USP8: variants seen among roughly 807,000 people sequenced by gnomAD.
The protein encoded by USP8 is ubiquitin carboxyl-terminal hydrolase 8.
USP8 carries 27 observed loss-of-function variants against 130.0 expected under a neutral mutation model. The ratio of observed to expected loss-of-function variants is 0.21; its 90% CI spans 0.15 to 0.29. USP8 has a LOEUF of 0.29. Among genes scored for constraint, USP8 ranks in the 10% least tolerant of loss-of-function variants. USP8 has a pLI of 1.00. For synonymous variants in USP8, 392 were observed against 444.1 expected (o/e 0.88, Z 1.48); for missense variants, 1,029 against 1,312.2 (o/e 0.78, Z 3.33).
chr15:50,499,407 C>G lies in USP8; in HGVS notation c.*319C>G, dbSNP rs1303535093. The G allele has an allele frequency of 5.4e-6, 1 of 184,956 alleles. No individual in the cohort carries two copies. The highest frequency in any genetic ancestry group is 1.3e-4 in the East Asian group (1 of 7,610). The allele number at this position is 184,956 out of a possible 1,614,324, so 11.5% of individuals were successfully genotyped here. A position where few individuals can be genotyped will look rare whatever the true frequency, so the allele number is the denominator to read the frequency against. ...TGTTATCTTTTTTTTTTCCTTTTCA[C>G]TGTTATGGCCTTTTCACATTTCTAA... On this transcript the variant is annotated 3_prime_UTR_variant, in exon 20 of 20. Coordinates refer to ENST00000307179, the MANE Select transcript of USP8 (RefSeq NM_005154.5).
intron 8 of USP8, among the ~76,000 whole-genome samples, chr15:50,476,462 T>C (rs578075292): frequency 1.1e-4 from 16 of 152,232 alleles, no homozygotes; most frequent in Admixed American, 8.5e-4. Flanking sequence ...TTACCTAGCA[T>C]TGCAAATGAT....
Position 50,492,609 on chromosome 15 carries a change from C to T in USP8, c.2235-92C>T, listed in dbSNP as rs1475501052. ...AACTGTTTACAAGATGCCTGTGGTA[C>T]AGGTGCTACAGTTTGCTGCCATTTA... On this transcript the variant is annotated intron_variant, in intron 14 of 19. Transcript: ENST00000307179. 3 of 1,244,548 alleles carry T rather than the reference C, an allele frequency of 2.4e-6. No homozygotes were observed. The East Asian group carries it at 7.0e-5, about 29-fold the overall frequency. The allele number at this position is 1,244,548 out of a possible 1,614,324, so 77.1% of individuals were successfully genotyped here.
intron 12 of USP8, among the ~76,000 whole-genome samples, chr15:50,488,793 G>T (rs982082828): frequency 2.6e-5 from 4 of 151,012 alleles, no homozygotes; most frequent in African/African-American, 7.3e-5. Flanking sequence ...GGCTGGTCTC[G>T]AACTCCTGAC....
At position 50,424,503 on chromosome 15, in the gene USP8, C is replaced by T. The variant is rs1257851992; in HGVS notation, c.-77C>T. On this transcript the variant is annotated 5_prime_UTR_variant, in exon 1 of 20. Coordinates refer to ENST00000307179, the MANE Select transcript of USP8 (RefSeq NM_005154.5). ...AGAAGGCTGGCGTTAGTGAAGCGCG[C>T]CCGGCGTCACGGTGAGTGCGGGTCT... 2 of 398,592 alleles carry T rather than the reference C, an allele frequency of 5.0e-6. No homozygotes were observed. The highest frequency in any genetic ancestry group is 8.8e-6 in the Non-Finnish European group (2 of 226,116). The allele number at this position is 398,592 out of a possible 1,614,324, so 24.7% of individuals were successfully genotyped here.
chr15:50,449,574 T>G, intron 4 of USP8, 89 bp downstream of exon 4: 1 of 993,618 alleles, frequency 1.0e-6, no homozygotes, highest in Non-Finnish European at 1.4e-6. Flanking sequence ...TGACGATTCA[T>G]ATAATATTCC....
At chr15:50,459,466 C>G (rs189696456) in intron 5 of USP8, among the ~76,000 whole-genome samples, 1 of 151,984 alleles carries the variant, frequency 6.6e-6, no homozygotes, top group Non-Finnish European at 1.5e-5. Flanking sequence ...TGCCTGTAGT[C>G]CCAGCTACTC....
At chr15:50,477,571 G>T in intron 10 of USP8, 72 bp downstream of exon 10, 25 of 1,378,842 alleles carry the variant, frequency 1.8e-5, no homozygotes, top group Non-Finnish European at 2.5e-5. Context: ...TGGGCACAGT[G>T]CCTCACGCCT....
At chr15:50,459,943 C>G (rs1002096666) in intron 5 of USP8, among the ~76,000 whole-genome samples, 2 of 147,638 alleles carry the variant, frequency 1.4e-5, no homozygotes, top group African/African-American at 2.5e-5. Flanking sequence ...AGGTCTCATT[C>G]TTTTTCCTTT....
At position 50,426,827 on chromosome 15, in the gene USP8, C is replaced by G. The variant is rs142081653; in HGVS notation, c.-66+2313C>G. 18 of 152,334 alleles carry G rather than the reference C, an allele frequency of 1.2e-4. No individual in the cohort carries two copies. In the East Asian group the frequency reaches 3.5e-3, roughly 29 times the overall value. The allele number at this position is 152,334 out of a possible 1,614,324, so 9.4% of individuals were successfully genotyped here. A position where few individuals can be genotyped will look rare whatever the true frequency, so the allele number is the denominator to read the frequency against. ...CCCTCACCTTTGAAAGGAAAAATGT[C>G]AAAGAATTTGTGGCCGTGCTTTGCC... On this transcript the variant is annotated intron_variant, in intron 1 of 19. Coordinates refer to ENST00000307179, the MANE Select transcript of USP8 (RefSeq NM_005154.5).
chr15:50,492,271 G>A (rs2052204391), intron 14 of USP8, among the ~76,000 whole-genome samples: 1 of 151,976 alleles, frequency 6.6e-6, no homozygotes, highest in Admixed American at 6.6e-5. Context: ...TCTACTCCAC[G>A]GTATGGTTTT....
intron 15 of USP8, chr15:50,493,369 T>A (rs771964471): frequency 1.5e-5 from 8 of 519,688 alleles, no homozygotes; most frequent in South Asian, 1.1e-4. Context: ...CATGTTGACA[T>A]CAAGAACCCA....
intron 12 of USP8, among the ~76,000 whole-genome samples, chr15:50,486,272 C>A (rs2051957755): frequency 6.6e-6 from 1 of 151,968 alleles, no homozygotes. Flanking sequence ...CGCTTGAGCC[C>A]CAGGAGTTCA....
chr15:50,462,311 C>A lies in USP8; in HGVS notation c.530C>A (p.Thr177Asn). 6.3e-7 allele frequency: 1 copy of A among 1,598,556 alleles called. No homozygotes were observed. The highest frequency in any genetic ancestry group is 8.5e-7 in the Non-Finnish European group (1 of 1,175,774). ...GGTGAAAAGAATGAAAAATGTGAGA[C>A]CAAAGAGAAAGGTAAGTGTGTACAG... is the stretch of plus-strand genomic sequence containing the variant. ...SNGEKNEKCE[T>N]KEKGAITAKE... Residue 177 changes from threonine to asparagine, a missense_variant, in exon 6 of 20, where the codon ACC becomes AAC. Physicochemically the swap from Thr to Asn is moderately conservative, Grantham distance 65. Transcript: ENST00000307179.
rs2141320965 is a variant in USP8 at position 50,492,773 on chromosome 15, T to C, written c.2307T>C (p.Phe769=). The C allele has an allele frequency of 1.2e-6, 2 of 1,614,202 alleles. No individual in the cohort carries two copies. The highest frequency in any genetic ancestry group is 1.7e-6 in the Non-Finnish European group (2 of 1,180,036). ...AGATTCGGAACCTCAATCCTGTTTT[T>C]GGAGGTTCTGGACCAGCTCTTACTG... ...ASQIRNLNPV[F]GGSGPALTGL... Residue 769 remains phenylalanine (F), a synonymous_variant, in exon 15 of 20, where the codon TTT becomes TTC. Coordinates refer to ENST00000307179, the MANE Select transcript of USP8 (RefSeq NM_005154.5).
intron 7 of USP8, among the ~76,000 whole-genome samples, chr15:50,467,411 T>C (rs1188419067): frequency 6.6e-6 from 1 of 152,176 alleles, no homozygotes; most frequent in Non-Finnish European, 1.5e-5. Flanking sequence ...TTTGAGTTAG[T>C]TTAAAGGAGT....
intron 3 of USP8, among the ~76,000 whole-genome samples, chr15:50,447,834 C>G (rs998235220): frequency 6.6e-6 from 1 of 151,126 alleles, no homozygotes; most frequent in African/African-American, 2.4e-5. Flanking sequence ...AACTCCTGGG[C>G]TCAAGCTATC....
chr15:50,473,452 C>T (rs967706126), intron 8 of USP8, among the ~76,000 whole-genome samples: 1 of 151,892 alleles, frequency 6.6e-6, no homozygotes, highest in African/African-American at 2.4e-5. Context: ...ACAGACATAA[C>T]CATCATAGGC....
At chr15:50,481,380 C>A in intron 10 of USP8, 101 bp from the exon 11 acceptor site, 1 of 841,630 alleles carries the variant, frequency 1.2e-6, no homozygotes, top group Non-Finnish European at 1.7e-6. Flanking sequence ...TAGATGTTGT[C>A]TCCACAAAGT....
intron 16 of USP8, among the ~76,000 whole-genome samples, 177 bp from the exon 17 acceptor site, chr15:50,495,671 T>G (rs17598061): frequency 0.14 from 20,920 of 151,918 alleles, 1,969 homozygotes; most frequent in Middle Eastern, 0.27. Flanking sequence ...AGTGAGTGAG[T>G]TTTTTTTGGT....
Sources: gnomAD v4.1 joint callset for allele counts (sites outside exome capture counted in the v4.1 genomes callset) on GRCh38, gnomAD v4.1.1 for gene constraint, MANE v1.5 for transcripts, NCBI Gene and HGNC (gene_info 2026-07-23, HGNC 2026-07-21) for gene names.